SLC6A2: variants seen among roughly 807,000 people sequenced by gnomAD.
SLC6A2 encodes the protein solute carrier family 6 member 2.
Under a neutral mutation model 71.7 loss-of-function variants are expected in SLC6A2, and 26 were observed. That is an observed-to-expected ratio of 0.36 (90% CI 0.27 to 0.50). The LOEUF is 0.50. SLC6A2 is among the 20% of genes least tolerant of loss of function. The probability of loss-of-function intolerance (pLI) is 0.96; values close to 1 mark genes in which losing one functional copy is unlikely to be tolerated. For synonymous variants in SLC6A2, 363 were observed against 337.9 expected (o/e 1.07, Z -0.82); for missense variants, 581 against 803.9 (o/e 0.72, Z 3.35).
chr16:55,671,253 CA>C (rs1964901142), intron 3 of SLC6A2, among the ~76,000 whole-genome samples: 1 of 152,180 alleles, frequency 6.6e-6, no homozygotes, highest in South Asian at 2.1e-4. Context: ...TCAGTCCCAT[CA>C]GGGGAGAATG....
chr16:55,693,974 A>T (rs755821517), intron 6 of SLC6A2, 36 bp from the exon 7 acceptor site: 1 of 1,350,762 alleles, frequency 7.4e-7, no homozygotes, highest in African/African-American at 1.4e-5. Flanking sequence ...GTGTTGTAGG[A>T]AGCAGAGGCT....
At chr16:55,700,417 A>G (rs1444314237) in intron 13 of SLC6A2, 111 bp downstream of exon 13, 10 of 950,740 alleles carry the variant, frequency 1.1e-5, no homozygotes, top group Non-Finnish European at 4.7e-6. Context: ...CACAGACACT[A>G]GGGTCAAACG....
Position 55,703,410 on chromosome 16 carries a change from G to A in SLC6A2, c.*1064G>A. On this transcript the variant is annotated 3_prime_UTR_variant, in exon 15 of 15. Transcript: ENST00000568943. The stretch of plus-strand genomic sequence containing the variant: ...CAGGGGTCTTGAGAAATGGAGAGTT[G>A]GCTGCAAAAACTCTCATGCACTAGA... The A allele has an allele frequency of 5.1e-6, 5 of 985,418 alleles. No homozygotes were observed. The highest frequency in any genetic ancestry group is 6.0e-6 in the Non-Finnish European group (5 of 829,946). The allele number at this position is 985,418 out of a possible 1,614,324, so 61.0% of individuals were successfully genotyped here.
Position 55,656,757 on chromosome 16 carries a change from A to G in SLC6A2, c.63A>G (p.Pro21=). ...AGAACAACGGGGCGGACACGGGTCC[A>G]GAGCAGCCCCTTCGGGCGCGCAAAA... The part of the protein sequence containing the change: ...QPENNGADTG[P]EQPLRARKTA... The change falls in exon 2 of 15, where the codon CCA becomes CCG. Residue 21 remains proline, a synonymous_variant. Coordinates refer to ENST00000568943, the MANE Select transcript of SLC6A2 (RefSeq NM_001172501.3). This position sits in a 1 kb window ranked among gnomAD's most constrained non-coding sequence, Gnocchi z 4.5. The G allele has an allele frequency of 6.2e-7, 1 of 1,613,178 alleles. No homozygotes were observed.
intron 2 of SLC6A2, among the ~76,000 whole-genome samples, chr16:55,658,889 G>A (rs1379565587): frequency 2.6e-5 from 4 of 152,178 alleles, no homozygotes; most frequent in African/African-American, 4.8e-5. Flanking sequence ...TCCCACCTTT[G>A]GCGGCTGCAG....
At position 55,705,390 on chromosome 16, in the gene SLC6A2, C is replaced by A; in HGVS notation, c.*3044C>A. ...TAATGTGAGACTGAAGCATTCTTACCAAAGAAATCATTTCCTAGTAAAGAA... is the reference window on the plus strand; with the variant it reads ...TAATGTGAGACTGAAGCATTCTTACAAAAGAAATCATTTCCTAGTAAAGAA... On this transcript the variant is annotated 3_prime_UTR_variant, in exon 15 of 15. Transcript: ENST00000568943. 1.5e-6 allele frequency: 1 copy of A among 661,744 alleles called. No homozygotes were observed. Among genetic ancestry groups the A allele is most frequent in the South Asian group, 2.1e-5 (1 of 48,124 alleles). The allele number at this position is 661,744 out of a possible 1,614,324, so 41.0% of individuals were successfully genotyped here.
chr16:55,669,722 C>A, intron 3 of SLC6A2, 26 bp downstream of exon 3: 1 of 1,613,726 alleles, frequency 6.2e-7, no homozygotes, highest in East Asian at 2.2e-5. Context: ...GAGAAAGTCA[C>A]GGTTGTTCAT....
At chr16:55,694,151 C>G (rs1171505119) in intron 7 of SLC6A2, 38 bp downstream of exon 7, 10 of 1,380,304 alleles carry the variant, frequency 7.2e-6, no homozygotes, top group Non-Finnish European at 1.0e-5. Flanking sequence ...GCTCTAAATC[C>G]TGGGGATTGA....
chr16:55,662,569 C>A (rs1964638612), intron 2 of SLC6A2, among the ~76,000 whole-genome samples: 1 of 152,156 alleles, frequency 6.6e-6, no homozygotes, highest in South Asian at 2.1e-4. Flanking sequence ...TTCTGAGCAA[C>A]CCTCTGATGT....
intron 4 of SLC6A2, among the ~76,000 whole-genome samples, chr16:55,684,921 A>G (rs575376661): frequency 6.6e-6 from 1 of 152,346 alleles, no homozygotes; most frequent in South Asian, 2.1e-4. Flanking sequence ...ATCTCCCCAG[A>G]TGATTTGCCT....
At chr16:55,700,795 T>C (rs1457968128) in intron 13 of SLC6A2, among the ~76,000 whole-genome samples, 6 of 152,220 alleles carry the variant, frequency 3.9e-5, no homozygotes, top group African/African-American at 1.2e-4. Flanking sequence ...TATTTCTTTC[T>C]ATGCATTCTG....
intron 3 of SLC6A2, chr16:55,671,561 T>C (rs1567436206): frequency 2.2e-6 from 1 of 464,656 alleles, no homozygotes; most frequent in Non-Finnish European, 3.8e-6. Flanking sequence ...TTACAGCTGC[T>C]CCCCATCGCT....
At chr16:55,688,776 C>A (rs1467987582) in intron 5 of SLC6A2, among the ~76,000 whole-genome samples, 6 of 152,182 alleles carry the variant, frequency 3.9e-5, no homozygotes, top group Admixed American at 3.9e-4. Context: ...GGATTCATAG[C>A]AAGGCTTGCA....
intron 2 of SLC6A2, among the ~76,000 whole-genome samples, chr16:55,661,800 C>T (rs866070726): frequency 6.6e-6 from 1 of 152,172 alleles, no homozygotes; most frequent in Non-Finnish European, 1.5e-5. Flanking sequence ...TGTGATTCTG[C>T]GTCCCCAGTG....
intron 4 of SLC6A2, among the ~76,000 whole-genome samples, chr16:55,674,338 A>G (rs1290865145): frequency 1.3e-5 from 2 of 152,154 alleles, no homozygotes; most frequent in African/African-American, 4.8e-5. Context: ...GCCTCCAGCT[A>G]CATCCATGTC....
chr16:55,688,412 C>T (rs1163164833), intron 5 of SLC6A2, among the ~76,000 whole-genome samples: 3 of 152,214 alleles, frequency 2.0e-5, no homozygotes, highest in East Asian at 1.9e-4. Context: ...GTGTTTTCTT[C>T]AGTAACATCA....
In SLC6A2 at chr16:55,695,311, C is replaced by T; in HGVS notation, c.1056C>T (p.Ile352=). Residue 352 remains isoleucine (I), a synonymous_variant, in exon 8 of 15, where the codon ATC becomes ATT. Transcript: ENST00000568943. Reference sequence around the variant, plus strand: ...TGCTGACCAGCAGCATCAACTGTATCACCAGCTTCGTCTCTGGGTTCGCCA... The same window carrying T: ...TGCTGACCAGCAGCATCAACTGTATTACCAGCTTCGTCTCTGGGTTCGCCA... The part of the protein sequence containing the change: ...DALLTSSINC[I]TSFVSGFAIF... 1 of 1,614,200 alleles carries T rather than the reference C, an allele frequency of 6.2e-7. No homozygotes were observed. The highest frequency in any genetic ancestry group is 8.5e-7 in the Non-Finnish European group (1 of 1,180,018).
intron 2 of SLC6A2, among the ~76,000 whole-genome samples, chr16:55,663,085 C>T (rs72817535): frequency 0.039 from 5,895 of 152,278 alleles, 192 homozygotes; most frequent in African/African-American, 0.092. Flanking sequence ...TTCTGACCCA[C>T]TGTCTATAAA....
At position 55,701,859 on chromosome 16, in the gene SLC6A2, T is replaced by A; in HGVS notation, c.1759-4T>A. On this transcript the variant is annotated splice_polypyrimidine_tract_variant and splice_region_variant and intron_variant, in intron 13 of 14. Coordinates refer to ENST00000568943, the MANE Select transcript of SLC6A2 (RefSeq NM_001172501.3). ...GAGGCCTCCTCCCCTTCTCTTCCTT[T>A]CAGAGACTGGCCTATGGCATCACGC... 6.2e-7 allele frequency: 1 copy of A among 1,613,478 alleles called. No homozygotes were observed. The highest frequency in any genetic ancestry group is 8.5e-7 in the Non-Finnish European group (1 of 1,179,356).
Sources: gnomAD v4.1 joint callset for allele counts (sites outside exome capture counted in the v4.1 genomes callset) on GRCh38, gnomAD v4.1.1 for gene constraint, Gnocchi (gnomAD v3.1) non-coding constraint, MANE v1.5 for transcripts, NCBI Gene and HGNC (gene_info 2026-07-23, HGNC 2026-07-21) for gene names.